Variants in AMBRA1 observed in about 807,000 individuals in gnomAD.
The protein encoded by AMBRA1 is autophagy and beclin 1 regulator 1.
Under a neutral mutation model 125.4 loss-of-function variants are expected in AMBRA1, and 47 were observed. The observed-to-expected ratio is 0.37, with a 90% CI of 0.30 to 0.48. The LOEUF is 0.48. Ranked by LOEUF, AMBRA1 falls within the 20% of genes least tolerant of loss-of-function variation. The probability of loss-of-function intolerance (pLI) is 0.99; values close to 1 mark genes in which losing one functional copy is unlikely to be tolerated. For synonymous variants in AMBRA1, 626 were observed against 655.5 expected (o/e 0.95, Z 0.69); for missense variants, 1,331 against 1,693.4 (o/e 0.79, Z 3.76).
intron 1 of AMBRA1, among the ~76,000 whole-genome samples, chr11:46,576,067 G>A (rs2043951408): frequency 1.3e-5 from 2 of 152,150 alleles, no homozygotes; most frequent in Non-Finnish European, 2.9e-5. Context: ...TGCAGATGTT[G>A]GCTTTGATCA....
At chr11:46,505,730 GAC>G (rs1406031554) in intron 9 of AMBRA1, among the ~76,000 whole-genome samples, 1 of 151,636 alleles carries the variant, frequency 6.6e-6, no homozygotes, top group Non-Finnish European at 1.5e-5. Context: ...GAGGCAGTCT[GAC>G]ACAGGAAAAT....
intron 1 of AMBRA1, among the ~76,000 whole-genome samples, chr11:46,569,813 T>C (rs2043691304): frequency 6.6e-6 from 1 of 151,416 alleles, no homozygotes; most frequent in African/African-American, 2.4e-5. Context: ...AATACAAAAT[T>C]AGCCAGGTGT....
intron 1 of AMBRA1, among the ~76,000 whole-genome samples, chr11:46,561,713 G>A (rs545101179): frequency 1.3e-4 from 20 of 152,234 alleles, no homozygotes; most frequent in Admixed American, 9.8e-4. Context: ...AATTTCCCTC[G>A]AGGCTTCAAG....
At chr11:46,536,596 T>C (rs1308381590) in intron 7 of AMBRA1, among the ~76,000 whole-genome samples, 1 of 152,212 alleles carries the variant, frequency 6.6e-6, no homozygotes, top group Non-Finnish European at 1.5e-5. Flanking sequence ...CATTTTTAGG[T>C]TGCCGGCCCC....
At chr11:46,557,206 C>CAGGAGA (rs2043184355) in intron 1 of AMBRA1, among the ~76,000 whole-genome samples, 1 of 147,920 alleles carries the variant, frequency 6.8e-6, no homozygotes, top group South Asian at 2.1e-4. Flanking sequence ...GAGGCTGAGG[C>CAGGAGA]AGGAGAATCA....
At position 46,535,540 on chromosome 11, in the gene AMBRA1, C is replaced by A. The variant is rs144135818; in HGVS notation, c.2072+6405G>T. ...AAGAAAAAGCATCAGTAGGAAAGAA[C>A]CTTCGCATTTAAATTGGATTATCCA... On this transcript the variant is annotated intron_variant, in intron 7 of 17. Transcript: ENST00000683756. Among the ~76,000 whole-genome samples, 99 of 152,216 alleles carry A rather than the reference C, an allele frequency of 6.5e-4. 2 individuals are homozygous for A. In the East Asian group the frequency reaches 0.016, roughly 25 times the overall value.
intron 12 of AMBRA1, among the ~76,000 whole-genome samples, chr11:46,441,236 G>A (rs61882706): frequency 0.14 from 21,473 of 152,114 alleles, 1,584 homozygotes; most frequent in Non-Finnish European, 0.17. Context: ...AAGCTGGGCC[G>A]GGCACGGTGG....
intron 14 of AMBRA1, among the ~76,000 whole-genome samples, chr11:46,428,091 T>C (rs1590780276): frequency 6.7e-6 from 1 of 149,676 alleles, no homozygotes; most frequent in South Asian, 2.1e-4. Flanking sequence ...GGGGGAGGCA[T>C]ATTGCTAGCG....
intron 9 of AMBRA1, among the ~76,000 whole-genome samples, chr11:46,507,376 G>A (rs944533872): frequency 2.6e-5 from 4 of 151,662 alleles, no homozygotes; most frequent in Admixed American, 1.3e-4. Flanking sequence ...CTACTCAGGA[G>A]GCTGAGGCAG....
chr11:46,447,254 G>A (rs974308916), intron 11 of AMBRA1, among the ~76,000 whole-genome samples: 4 of 151,220 alleles, frequency 2.6e-5, no homozygotes, highest in African/African-American at 9.7e-5. Context: ...AAAAAAAAAG[G>A]CCACGCGCAG....
At chr11:46,434,115 C>CAAAAAAAAAAAAAAAAAAAAAAAAAAAAA (rs145761376) in intron 13 of AMBRA1, among the ~76,000 whole-genome samples, 1 of 53,556 alleles carries the variant, frequency 1.9e-5, no homozygotes, top group Non-Finnish European at 3.7e-5. Context: ...AACTCCGTCT[C>CAAAAAAAAAAAAAAAAAAAAAAAAAAAAA]AAAAAAAAAA....
intron 5 of AMBRA1, 105 bp from the exon 6 acceptor site, chr11:46,544,146 T>C: frequency 1.2e-6 from 1 of 842,922 alleles, no homozygotes; most frequent in East Asian, 2.5e-5. Flanking sequence ...TGATAACTGG[T>C]ATCACTCAGG....
chr11:46,424,425 C>T (rs370109451), intron 14 of AMBRA1, among the ~76,000 whole-genome samples: 18 of 152,274 alleles, frequency 1.2e-4, no homozygotes, highest in African/African-American at 2.9e-4. Context: ...TTTTATTTTT[C>T]AATTGGCCCG....
intron 11 of AMBRA1, among the ~76,000 whole-genome samples, chr11:46,477,050 G>A (rs1413081830): frequency 6.6e-6 from 1 of 151,288 alleles, no homozygotes. Flanking sequence ...GACAGAGGTT[G>A]CAGTGAGCCG....
chr11:46,531,069 G>T (rs1003560304), intron 7 of AMBRA1, among the ~76,000 whole-genome samples: 8 of 152,076 alleles, frequency 5.3e-5, no homozygotes, highest in African/African-American at 1.9e-4. Flanking sequence ...TTTTAGTGGA[G>T]ATGTGGTTTT....
At chr11:46,547,702 T>C (rs1308001507) in intron 3 of AMBRA1, 115 bp downstream of exon 3, 1 of 999,954 alleles carries the variant, frequency 1.0e-6, no homozygotes, top group African/African-American at 1.6e-5. Flanking sequence ...GCCAAAGTGC[T>C]GTTCATACAG....
At chr11:46,419,995 T>TACACACACACACACACACACAC (rs34070050) in intron 14 of AMBRA1, among the ~76,000 whole-genome samples, 23,903 of 128,818 alleles carry the variant, frequency 0.19, 2,653 homozygotes, top group Admixed American at 0.25. Flanking sequence ...GTGTCCTCAA[T>TACACACACACACACACACACAC]ACACACACAC....
At chr11:46,495,422 T>G (rs545450933) in intron 9 of AMBRA1, 1 of 152,370 alleles carries the variant, frequency 6.6e-6, no homozygotes, top group Non-Finnish European at 1.5e-5. Context: ...TAGAATTGGC[T>G]GCCGAGCATT....
Position 46,397,434 on chromosome 11 carries a change from A to G in AMBRA1, c.*16T>C, listed in dbSNP as rs752128984. ...GCTTGGCGGTTCGAGGGGAGGCACCAGTGCAACGTTTGTCTCTACCTGTTC... is the reference window on the plus strand; with the variant it reads ...GCTTGGCGGTTCGAGGGGAGGCACCGGTGCAACGTTTGTCTCTACCTGTTC... On this transcript the variant is annotated 3_prime_UTR_variant, in exon 18 of 18. Coordinates refer to ENST00000683756, the MANE Select transcript of AMBRA1 (RefSeq NM_001387011.1). 6.8e-7 allele frequency: 1 copy of G among 1,474,512 alleles called. No homozygotes were observed. Among genetic ancestry groups the G allele is most frequent in the East Asian group, 2.4e-5 (1 of 42,136 alleles). 91.3% of individuals were successfully genotyped at this position (1,474,512 alleles called of 1,614,324 possible).
Sources: gnomAD v4.1 joint callset for allele counts (sites outside exome capture counted in the v4.1 genomes callset) on GRCh38, gnomAD v4.1.1 for gene constraint, MANE v1.5 for transcripts, NCBI Gene and HGNC (gene_info 2026-07-23, HGNC 2026-07-21) for gene names.